FER: variants seen among roughly 807,000 people sequenced by gnomAD.
FER encodes tyrosine-protein kinase Fer.
Under a neutral mutation model 111.0 loss-of-function variants are expected in FER, and 63 were observed. That is an observed-to-expected ratio of 0.57 (90% CI 0.46 to 0.70). The LOEUF is 0.70. FER is among the 30% of genes least tolerant of loss of function. The pLI, the probability that FER is intolerant of heterozygous loss-of-function variation, is 0.00. For missense variants in FER, 914 were observed against 954.0 expected, an observed-to-expected ratio of 0.96 and a Z score of 0.55; for synonymous variants, 327 against 313.9, an observed-to-expected ratio of 1.04 and a Z score of -0.44.
intron 3 of FER, among the ~76,000 whole-genome samples, chr5:108,825,426 A>G (rs935347947): frequency 6.6e-6 from 1 of 152,224 alleles, no homozygotes; most frequent in African/African-American, 2.4e-5. Flanking sequence ...GAAGAGAAAT[A>G]TGGCTCTGTT....
chr5:109,045,303 A>ATATATACAT (rs56891645), intron 15 of FER, among the ~76,000 whole-genome samples: 77,797 of 148,848 alleles, frequency 0.52, 20,945 homozygotes, highest in African/African-American at 0.56. Context: ...TATACATTAT[A>ATATATACAT]TATATACATT....
chr5:109,118,762 A>T (rs1750591516), intron 17 of FER, among the ~76,000 whole-genome samples: 1 of 151,816 alleles, frequency 6.6e-6, no homozygotes, highest in Non-Finnish European at 1.5e-5. Flanking sequence ...GGAATTGTCC[A>T]TTTCTTCTAG....
At chr5:108,847,201 C>T (rs1762114268) in intron 5 of FER, among the ~76,000 whole-genome samples, 1 of 149,922 alleles carries the variant, frequency 6.7e-6, no homozygotes, top group South Asian at 2.1e-4. Context: ...ATTATGTTTT[C>T]ATTTTTATTC....
chr5:108,881,937 A>G (rs1352878750), intron 8 of FER, among the ~76,000 whole-genome samples: 5 of 152,128 alleles, frequency 3.3e-5, no homozygotes, highest in Non-Finnish European at 7.4e-5. Context: ...ATATGCATGT[A>G]TATGTATTTT....
intron 9 of FER, among the ~76,000 whole-genome samples, chr5:108,895,981 CT>C (rs1304229570): frequency 6.6e-6 from 1 of 151,782 alleles, no homozygotes; most frequent in Non-Finnish European, 1.5e-5. Flanking sequence ...TGTAAAATTA[CT>C]GTAACAATAC....
chr5:108,898,106 T>C (rs1749416441), intron 10 of FER, among the ~76,000 whole-genome samples: 1 of 152,156 alleles, frequency 6.6e-6, no homozygotes, highest in Non-Finnish European at 1.5e-5. Context: ...ACTGCAGTTG[T>C]TTTTATTCCT....
At chr5:108,884,353 G>A (rs1244019763) in intron 9 of FER, among the ~76,000 whole-genome samples, 1 of 152,054 alleles carries the variant, frequency 6.6e-6, no homozygotes, top group Non-Finnish European at 1.5e-5. Context: ...ATAGTGAGCA[G>A]ATGGACATCC....
intron 17 of FER, among the ~76,000 whole-genome samples, chr5:109,155,619 C>T (rs1755284022): frequency 6.6e-6 from 1 of 151,934 alleles, no homozygotes; most frequent in African/African-American, 2.4e-5. Flanking sequence ...AAGGGAACTA[C>T]AGCACTAAAG....
intron 5 of FER, among the ~76,000 whole-genome samples, chr5:108,865,747 C>T (rs1456989067): frequency 6.6e-6 from 1 of 152,102 alleles, no homozygotes; most frequent in East Asian, 1.9e-4. Flanking sequence ...AAGAAAAAAA[C>T]AAACAACCCC....
intron 13 of FER, among the ~76,000 whole-genome samples, chr5:109,031,605 A>C (rs886987143): frequency 6.6e-6 from 1 of 152,082 alleles, no homozygotes. Flanking sequence ...TAGAAAGTAC[A>C]TTTCTAGTTT....
chr5:108,956,526 G>C (rs1561675558), intron 12 of FER, among the ~76,000 whole-genome samples: 1 of 151,528 alleles, frequency 6.6e-6, no homozygotes, highest in East Asian at 1.9e-4. Flanking sequence ...TTTTAATATT[G>C]CCATTTTAAG....
chr5:108,836,816 T>TC (rs1263136532), intron 5 of FER, among the ~76,000 whole-genome samples: 1 of 151,970 alleles, frequency 6.6e-6, no homozygotes, highest in Non-Finnish European at 1.5e-5. Flanking sequence ...CTCTTCTTTA[T>TC]CTTCTTCCTT....
chr5:109,177,802 T>A (rs944070106), intron 17 of FER, among the ~76,000 whole-genome samples: 1 of 152,358 alleles, frequency 6.6e-6, no homozygotes, highest in Admixed American at 6.5e-5. Context: ...TTTGCTGTTA[T>A]ATCCCTCTGC....
chr5:108,807,073 A>G (rs1757284485), intron 3 of FER, among the ~76,000 whole-genome samples: 1 of 152,150 alleles, frequency 6.6e-6, no homozygotes, highest in Non-Finnish European at 1.5e-5. Flanking sequence ...TTATGGAGGC[A>G]GATCTTTCCT....
chr5:108,796,442 T>A (rs1756026812), intron 2 of FER, among the ~76,000 whole-genome samples: 1 of 152,196 alleles, frequency 6.6e-6, no homozygotes, highest in African/African-American at 2.4e-5. Flanking sequence ...CCAGCGAAGC[T>A]TGTGTCCTTT....
intron 13 of FER, among the ~76,000 whole-genome samples, chr5:109,006,364 G>C (rs891327845): frequency 6.6e-6 from 1 of 152,128 alleles, no homozygotes; most frequent in Non-Finnish European, 1.5e-5. Flanking sequence ...TAAGTCTCAC[G>C]AGAGCTGGTC....
At chr5:108,878,565 A>G (rs1017343436) in intron 8 of FER, among the ~76,000 whole-genome samples, 1 of 151,930 alleles carries the variant, frequency 6.6e-6, no homozygotes, top group African/African-American at 2.4e-5. Context: ...TAGTTTTGTT[A>G]TTTATTGATG....
At chr5:108,749,397 G>C (rs1427163973) in intron 1 of FER, among the ~76,000 whole-genome samples, 5 of 151,986 alleles carry the variant, frequency 3.3e-5, no homozygotes, top group Non-Finnish European at 5.9e-5. Context: ...GGGGGCTGAT[G>C]GGCGTGAGGC....
chr5:109,182,438 T>C (rs1002154078), intron 18 of FER, among the ~76,000 whole-genome samples: 5 of 152,200 alleles, frequency 3.3e-5, no homozygotes, highest in Non-Finnish European at 7.3e-5. Context: ...CTATTTTCCA[T>C]AGTGATTCCT....
Sources: gnomAD v4.1 joint callset for allele counts (sites outside exome capture counted in the v4.1 genomes callset) on GRCh38, gnomAD v4.1.1 for gene constraint, MANE v1.5 for transcripts, NCBI Gene and HGNC (gene_info 2026-07-23, HGNC 2026-07-21) for gene names.